NINL: variants seen among roughly 807,000 people sequenced by gnomAD.
NINL encodes ninein like, also known as ninein-like protein.
A neutral mutation model predicts 160.3 loss-of-function variants in NINL; 153 were observed. That is an observed-to-expected ratio of 0.95 (90% CI 0.84 to 1.09). NINL has a LOEUF of 1.09. Among genes scored for constraint, NINL ranks in the 50% least tolerant of loss-of-function variants. The probability of loss-of-function intolerance (pLI) is 0.00; values close to 1 mark genes in which losing one functional copy is unlikely to be tolerated. For missense variants in NINL, 1,829 were observed against 1,764.0 expected (o/e 1.04, Z -0.66); for synonymous variants, 800 against 734.8 (o/e 1.09, Z -1.43).
rs2063566925 is a variant in NINL at position 25,489,197 on chromosome 20, C to A, written c.1677+47G>T. ...CTGTGGACCACCTGCGTGTGGAGAC[C>A]CAGAGCCTGGACATGAGACTAAAAG... On this transcript the variant is annotated intron_variant, in intron 13 of 23. Transcript: ENST00000278886. The A allele has an allele frequency of 2.3e-5, 36 of 1,574,016 alleles. No homozygotes were observed. In the East Asian group the frequency reaches 8.1e-4, roughly 35 times the overall value.
At chr20:25,500,770 T>C in intron 8 of NINL, 70 bp downstream of exon 8, 1 of 1,541,944 alleles carries the variant, frequency 6.5e-7, no homozygotes, top group Non-Finnish European at 8.8e-7. Context: ...GGACGCTCCA[T>C]CCATCCTCCT....
intron 1 of NINL, among the ~76,000 whole-genome samples, chr20:25,582,925 C>A (rs1037586345): frequency 1.8e-4 from 28 of 152,124 alleles, no homozygotes; most frequent in African/African-American, 5.6e-4. Flanking sequence ...AACTGGCTAG[C>A]CATATGCAGT....
At chr20:25,538,179 C>T (rs910210362) in intron 1 of NINL, among the ~76,000 whole-genome samples, 1 of 152,178 alleles carries the variant, frequency 6.6e-6, no homozygotes, top group Non-Finnish European at 1.5e-5. Flanking sequence ...GTGGCCTGTG[C>T]ACCTCAGGCA....
intron 11 of NINL, among the ~76,000 whole-genome samples, chr20:25,490,670 G>A (rs1268756617): frequency 4.6e-5 from 7 of 152,092 alleles, no homozygotes; most frequent in Non-Finnish European, 8.8e-5. Context: ...ATCAGATATC[G>A]TACCAGGACA....
intron 1 of NINL, among the ~76,000 whole-genome samples, chr20:25,577,612 T>C (rs937954914): frequency 6.6e-6 from 1 of 152,210 alleles, no homozygotes; most frequent in Non-Finnish European, 1.5e-5. Context: ...TAGTGAATAT[T>C]GCACTATATT....
At chr20:25,547,138 G>A (rs1227054690) in intron 1 of NINL, among the ~76,000 whole-genome samples, 1 of 152,070 alleles carries the variant, frequency 6.6e-6, no homozygotes, top group East Asian at 1.9e-4. Flanking sequence ...AGGGAATTCT[G>A]TTATTCATAA....
At chr20:25,500,344 G>A (rs775836494) in intron 8 of NINL, among the ~76,000 whole-genome samples, 8 of 152,342 alleles carry the variant, frequency 5.3e-5, no homozygotes, top group Non-Finnish European at 7.3e-5. Context: ...ACGGAGGGAA[G>A]GGTGCACCTC....
intron 1 of NINL, among the ~76,000 whole-genome samples, chr20:25,563,992 G>A (rs2064972872): frequency 1.3e-5 from 2 of 152,154 alleles, no homozygotes; most frequent in South Asian, 4.1e-4. Context: ...ACCACGGCAA[G>A]AGGATTGCTT....
At position 25,558,047 on chromosome 20, in the gene NINL, A is replaced by C. The variant is rs55643116; in HGVS notation, c.-12+27408T>G. On this transcript the variant is annotated intron_variant, in intron 1 of 23. Coordinates refer to ENST00000278886, the MANE Select transcript of NINL (RefSeq NM_025176.6). Reference sequence around the variant, plus strand: ...TCACAGCTACTCGGGAGGCTGAAGCAGAAGAATCACCTGAAGACAAGAGGT... The same window carrying C: ...TCACAGCTACTCGGGAGGCTGAAGCCGAAGAATCACCTGAAGACAAGAGGT... Among the ~76,000 whole-genome samples, 481 of 152,008 alleles carry C rather than the reference A, an allele frequency of 3.2e-3. 3 individuals carry two copies. Among genetic ancestry groups the C allele is most frequent in the Non-Finnish European group, 5.2e-3 (354 of 67,984 alleles).
chr20:25,573,806 G>A (rs1012714949), intron 1 of NINL, among the ~76,000 whole-genome samples: 2 of 152,212 alleles, frequency 1.3e-5, no homozygotes, highest in Non-Finnish European at 2.9e-5. Context: ...TTCTAAGTCT[G>A]ACACACATAG....
chr20:25,483,950 G>A (rs2063452983), intron 13 of NINL, among the ~76,000 whole-genome samples: 1 of 152,224 alleles, frequency 6.6e-6, no homozygotes. Flanking sequence ...CAGCAGAAGT[G>A]ATGCCACGGG....
At chr20:25,540,441 T>C (rs943957845) in intron 1 of NINL, among the ~76,000 whole-genome samples, 2 of 152,148 alleles carry the variant, frequency 1.3e-5, no homozygotes, top group African/African-American at 4.8e-5. Context: ...TTGGTTTGCA[T>C]TTAATTTAGT....
intron 1 of NINL, 73 bp from the exon 2 acceptor site, chr20:25,526,671 T>C (rs1224300041): frequency 3.4e-6 from 5 of 1,474,002 alleles, no homozygotes; most frequent in Non-Finnish European, 4.7e-6. Context: ...ACACTGCCGG[T>C]GAGCACCGAG....
intron 14 of NINL, among the ~76,000 whole-genome samples, chr20:25,481,341 A>C (rs143229553): frequency 9.1e-4 from 139 of 152,236 alleles, no homozygotes; most frequent in Non-Finnish European, 1.2e-3. Flanking sequence ...CCCATCCTCC[A>C]AAGGGAGCAC....
At chr20:25,560,280 A>G (rs1302737391) in intron 1 of NINL, among the ~76,000 whole-genome samples, 1 of 152,186 alleles carries the variant, frequency 6.6e-6, no homozygotes, top group Non-Finnish European at 1.5e-5. Flanking sequence ...TATATGTGTA[A>G]TTGACAGAAG....
intron 3 of NINL, among the ~76,000 whole-genome samples, chr20:25,515,861 C>A (rs2064151473): frequency 6.6e-6 from 1 of 152,200 alleles, no homozygotes; most frequent in Admixed American, 6.5e-5. Flanking sequence ...AGCTCCACGT[C>A]CCAGGTTCAC....
In NINL at chr20:25,539,872, C is replaced by T. The variant is rs146080646; in HGVS notation, c.-11-13274G>A. Reference sequence around the variant, plus strand: ...AGACCCACGGGGCGGAGGAAAGAAACGGAGCTTTCCCTGAACTCTCAGGAC... The same window carrying T: ...AGACCCACGGGGCGGAGGAAAGAAATGGAGCTTTCCCTGAACTCTCAGGAC... On this transcript the variant is annotated intron_variant, in intron 1 of 23. Transcript: ENST00000278886. 1.1e-3 allele frequency: 388 copies of T among 362,390 alleles called. 3 individuals are homozygous for T. The highest frequency in any genetic ancestry group is 4.8e-3 in the African/African-American group (225 of 47,276). 22.4% of individuals were successfully genotyped at this position (362,390 alleles called of 1,614,324 possible). A position where few individuals can be genotyped will look rare whatever the true frequency, so the allele number is the denominator to read the frequency against.
At chr20:25,519,902 G>C (rs976453847) in intron 2 of NINL, among the ~76,000 whole-genome samples, 1 of 149,666 alleles carries the variant, frequency 6.7e-6, no homozygotes, top group Non-Finnish European at 1.5e-5. Context: ...TACCTGGGGG[G>C]CTGAGGCAGG....
At chr20:25,462,302 G>C in intron 20 of NINL, 81 bp downstream of exon 20, 2 of 1,354,936 alleles carry the variant, frequency 1.5e-6, no homozygotes, top group Non-Finnish European at 2.0e-6. Context: ...TCCTCAGCGC[G>C]TGTCCTGACC....
Sources: allele counts gnomAD v4.1 joint callset (sites outside exome capture counted in the v4.1 genomes callset), GRCh38; gene constraint gnomAD v4.1.1; transcripts MANE v1.5; gene names NCBI Gene and HGNC (gene_info 2026-07-23, HGNC 2026-07-21).